The following FAM53A variants were observed in gnomAD, a reference collection of about 807,000 sequenced individuals.
FAM53A encodes the protein protein FAM53A.
Under a neutral mutation model 26.6 loss-of-function variants are expected in FAM53A, and 28 were observed. The ratio of observed to expected loss-of-function variants is 1.05; its 90% CI spans 0.78 to 1.45. FAM53A has a LOEUF of 1.45. FAM53A is among the 40% of genes most tolerant of loss of function. The probability of loss-of-function intolerance (pLI) is 0.00; values close to 1 mark genes in which losing one functional copy is unlikely to be tolerated. For missense variants in FAM53A, 650 were observed against 575.8 expected (o/e 1.13, Z -1.32); for synonymous variants, 290 against 253.1 (o/e 1.15, Z -1.38).
Position 1,665,676 on chromosome 4 carries a change from C to CAGCAGG in FAM53A, c.75+2985_75+2990dup, listed in dbSNP as rs1186258685. Among the ~76,000 whole-genome samples the CAGCAGG allele has an allele frequency of 5.3e-5, 8 of 152,244 alleles. No individual in the cohort carries two copies. The East Asian group carries it at 7.7e-4, about 15-fold the overall frequency. ...TGGCCACTAACAGAGCCGGCAGGGT[C>CAGCAGG]AGCAGGAGCAGGAGCAGGCTGTGAT... On this transcript the variant is annotated intron_variant, in intron 2 of 4. Transcript: ENST00000308132.
At chr4:1,684,493 T>C (rs929702387), upstream of FAM53A, among the ~76,000 whole-genome samples, 2 of 149,700 alleles carry the variant, frequency 1.3e-5, no homozygotes, top group East Asian at 2.0e-4. Flanking sequence ...GCCCACCGAG[T>C]CCGCAGCGCG....
At chr4:1,673,227 G>A (rs1238597822) in intron 1 of FAM53A, among the ~76,000 whole-genome samples, 1 of 152,180 alleles carries the variant, frequency 6.6e-6, no homozygotes, top group African/African-American at 2.4e-5. Flanking sequence ...TGCAGCACGT[G>A]ACCCTGGGTC....
chr4:1,608,674 G>A, the FAM53A span, among the ~76,000 whole-genome samples: 1 of 152,040 alleles, frequency 6.6e-6, no homozygotes, highest in South Asian at 2.1e-4. Flanking sequence ...AACGGCTCCG[G>A]CACCTGACAC....
chr4:1,650,716 G>A (rs769277742), intron 4 of FAM53A, among the ~76,000 whole-genome samples: 52 of 150,152 alleles, frequency 3.5e-4, no homozygotes, highest in African/African-American at 9.5e-4. Flanking sequence ...GGCTGGTCTC[G>A]AACTCCTGAC....
the FAM53A span, among the ~76,000 whole-genome samples, chr4:1,605,733 C>A: frequency 6.6e-6 from 1 of 152,152 alleles, no homozygotes; most frequent in Non-Finnish European, 1.5e-5. This position sits in a 1 kb window ranked among gnomAD's most constrained non-coding sequence, Gnocchi z 5.7. Flanking sequence ...CCAGAGGCAC[C>A]TGCAGGCACC....
At chr4:1,645,396 G>T (rs1358522088) in intron 4 of FAM53A, among the ~76,000 whole-genome samples, 1 of 152,258 alleles carries the variant, frequency 6.6e-6, no homozygotes, top group Non-Finnish European at 1.5e-5. Flanking sequence ...TATTAGGAAA[G>T]TACGGACTGG....
chr4:1,679,323 T>C (rs751612053), intron 1 of FAM53A, among the ~76,000 whole-genome samples: 5 of 143,238 alleles, frequency 3.5e-5, no homozygotes, highest in Non-Finnish European at 7.6e-5. Flanking sequence ...GGAGCTGAGG[T>C]TGCAGTGAGC....
At chr4:1,582,353 C>T in the FAM53A span, among the ~76,000 whole-genome samples, 5 of 152,186 alleles carry the variant, frequency 3.3e-5, no homozygotes, top group African/African-American at 9.7e-5. Context: ...CCCAGCTGAA[C>T]GACACTCCCC....
At chr4:1,669,663 A>G (rs1333661307) in intron 1 of FAM53A, among the ~76,000 whole-genome samples, 1 of 152,218 alleles carries the variant, frequency 6.6e-6, no homozygotes, top group African/African-American at 2.4e-5. Flanking sequence ...CACCTAGTTC[A>G]GACCCAACAG....
intron 1 of FAM53A, among the ~76,000 whole-genome samples, chr4:1,632,023 G>A (rs1715630161): frequency 6.6e-6 from 1 of 152,174 alleles, no homozygotes; most frequent in East Asian, 1.9e-4. Context: ...AATTATAGGG[G>A]TGTGGTGGCA....
At chr4:1,619,060 C>G (rs1714918326) in intron 1 of FAM53A, among the ~76,000 whole-genome samples, 1 of 152,232 alleles carries the variant, frequency 6.6e-6, no homozygotes, top group African/African-American at 2.4e-5. Context: ...TGAGCCCCCA[C>G]CCCAAAGCAG....
At chr4:1,638,995 ATCCAGGCCTTGGTGGGGACC>A (rs903965509), downstream of FAM53A, among the ~76,000 whole-genome samples, 3 of 152,206 alleles carry the variant, frequency 2.0e-5, no homozygotes, top group African/African-American at 7.2e-5. Context: ...CCCCTGGGGC[ATCCAGGCCTTGGTGGGGACC>A]TCGGGCCCCT....
the FAM53A span, among the ~76,000 whole-genome samples, chr4:1,607,959 A>G: frequency 1.3e-5 from 2 of 150,722 alleles, 1 homozygote; most frequent in South Asian, 4.2e-4. Flanking sequence ...AAAAAACACC[A>G]AAAGTAGCCG....
rs540843479 is a variant in FAM53A at position 1,617,993 on chromosome 4, G to A, written c.*80C>T. The A allele has an allele frequency of 1.3e-3, 612 of 455,834 alleles. 6 individuals are homozygous for A. The highest frequency in any genetic ancestry group is 8.7e-3 in the South Asian group (559 of 64,510). The allele number at this position is 455,834 out of a possible 1,614,324, so 28.2% of individuals were successfully genotyped here. A position where few individuals can be genotyped will look rare whatever the true frequency, so the allele number is the denominator to read the frequency against. ...CCACAACAGAACTGACGTGTGTCAC[G>A]AATGCTTGGCATAGAGCCGACCAGT... On this transcript the variant is annotated 3_prime_UTR_variant, in exon 2 of 2. Coordinates refer to the FAM53A transcript ENST00000489029.
chr4:1,673,407 C>CAAG (rs1714821096), intron 1 of FAM53A, among the ~76,000 whole-genome samples: 1 of 152,184 alleles, frequency 6.6e-6, no homozygotes, highest in South Asian at 2.1e-4. Flanking sequence ...GACGTGTGTG[C>CAAG]AAGAGTCACA....
chr4:1,644,427 AG>A, intron 4 of FAM53A: 1 of 1,482,394 alleles, frequency 6.7e-7, no homozygotes, highest in Non-Finnish European at 9.0e-7. Flanking sequence ...CAGACACGGC[AG>A]CTGTACAGCT....
chr4:1,668,673 A>T lies in FAM53A; in HGVS notation c.69T>A (p.Ala23=). The change falls in exon 2 of 5, where the codon GCT becomes GCA. Residue 23 remains alanine, a synonymous_variant. Coordinates refer to ENST00000308132, the MANE Select transcript of FAM53A (RefSeq NM_001174070.3). The part of the protein sequence containing the change: ...SLDDLTCKAE[A]GPLQYSAETL... ...GCCACCTGCAGCTGCTTACCGGGCC[A>T]GCCTCCGCCTTGCAGGTGAGGTCGT... The T allele has an allele frequency of 6.2e-7, 1 of 1,614,044 alleles. No individual in the cohort carries two copies. The highest frequency in any genetic ancestry group is 2.2e-5 in the East Asian group (1 of 44,872).
chr4:1,665,481 C>G (rs1714156304), intron 2 of FAM53A, among the ~76,000 whole-genome samples: 1 of 150,056 alleles, frequency 6.7e-6, no homozygotes, highest in Non-Finnish European at 1.5e-5. Context: ...GGGCAAGACT[C>G]CATCTCAAAA....
Position 1,654,650 on chromosome 4 carries a change from C to T in FAM53A, c.882+328G>A, listed in dbSNP as rs189322815. On this transcript the variant is annotated intron_variant, in intron 4 of 4. Transcript: ENST00000308132. ...TCAGGGGACTCCCCAGCAGCTGAGGCGGGGGGCGGCTCAGCCAGGCCAGAA... is the reference window on the plus strand; with the variant it reads ...TCAGGGGACTCCCCAGCAGCTGAGGTGGGGGGCGGCTCAGCCAGGCCAGAA... 2.3e-3 allele frequency among the ~76,000 whole-genome samples: 347 copies of T among 152,316 alleles called. 3 individuals carry two copies. Among genetic ancestry groups the T allele is most frequent in the African/African-American group, 6.9e-3 (285 of 41,566 alleles).
Sources: gnomAD v4.1 joint callset for allele counts (sites outside exome capture counted in the v4.1 genomes callset) on GRCh38, gnomAD v4.1.1 for gene constraint, Gnocchi (gnomAD v3.1) non-coding constraint, MANE v1.5 for transcripts, NCBI Gene and HGNC (gene_info 2026-07-23, HGNC 2026-07-21) for gene names.